Variants in FBXO16 observed in about 807,000 individuals in gnomAD.
The protein encoded by FBXO16 is F-box only protein 16.
In FBXO16, 31 loss-of-function variants were observed where a neutral mutation model predicts 41.0. The ratio of observed to expected loss-of-function variants is 0.76; its 90% CI spans 0.57 to 1.02. The LOEUF (loss-of-function observed/expected upper bound fraction) is 1.02. FBXO16 is among the 50% of genes least tolerant of loss of function. The pLI is 0.00. For synonymous variants in FBXO16, 133 were observed against 117.8 expected, an observed-to-expected ratio of 1.13 and a Z score of -0.84; for missense variants, 361 against 346.2, an observed-to-expected ratio of 1.04 and a Z score of -0.34.
rs905458070 is a variant in FBXO16, at chr8:28,428,517, G to A, written c.*210C>T. The A allele has an allele frequency of 7.9e-6, 12 of 1,521,566 alleles. No individual in the cohort carries two copies. In the Admixed American group the frequency reaches 2.3e-4, roughly 29 times the overall value. The allele number at this position is 1,521,566 out of a possible 1,614,324, so 94.3% of individuals were successfully genotyped here. On this transcript the variant is annotated 3_prime_UTR_variant, in exon 9 of 9. Coordinates refer to ENST00000380254, the MANE Select transcript of FBXO16 (RefSeq NM_172366.4). ...AGCCAAGTAAATTCAGCTCTCCACT[G>A]TGCAAAGCATCTTGTCATTTCTATA...
At chr8:28,481,405 G>C (rs996647544) in intron 2 of FBXO16, among the ~76,000 whole-genome samples, 2 of 152,058 alleles carry the variant, frequency 1.3e-5, no homozygotes, top group South Asian at 4.1e-4. Context: ...ATTGGGAGGA[G>C]GACTCAGAGT....
At chr8:28,432,319 C>T (rs764255081) in intron 7 of FBXO16, among the ~76,000 whole-genome samples, 2 of 151,780 alleles carry the variant, frequency 1.3e-5, no homozygotes, top group Non-Finnish European at 2.9e-5. Flanking sequence ...ACTAAAAATA[C>T]AAAAATTAGC....
chr8:28,443,930 C>T (rs191296251), intron 7 of FBXO16, among the ~76,000 whole-genome samples: 1 of 152,176 alleles, frequency 6.6e-6, no homozygotes, highest in Non-Finnish European at 1.5e-5. Flanking sequence ...AATAATCCAC[C>T]CCTTGTTTAG....
At chr8:28,451,255 A>G (rs1236112452) in intron 6 of FBXO16, among the ~76,000 whole-genome samples, 4 of 152,278 alleles carry the variant, frequency 2.6e-5, no homozygotes, top group Non-Finnish European at 4.4e-5. Context: ...CTAGAGCCCT[A>G]TTGGCTCCTG....
At position 28,456,806 on chromosome 8, in the gene FBXO16, T is replaced by C. The variant is rs1585904832; in HGVS notation, c.467A>G (p.Tyr156Cys). 2 of 1,614,146 alleles carry C rather than the reference T, an allele frequency of 1.2e-6. No individual in the cohort carries two copies. Among genetic ancestry groups the C allele is most frequent in the Non-Finnish European group, 1.7e-6 (2 of 1,180,006 alleles). ...ATGAAGTTCTTTCACCATTTGAATATAGTGCTTCTTCCAGATCCCCTGCTC... is the reference window on the plus strand; with the variant it reads ...ATGAAGTTCTTTCACCATTTGAATACAGTGCTTCTTCCAGATCCCCTGCTC... ...PFEQGIWKKHYIQMVKELHIT... is the reference protein window; with the variant it reads ...PFEQGIWKKHCIQMVKELHIT... The change falls in exon 5 of 9, where the codon TAT becomes TGT. Residue 156 changes from tyrosine (Y) to cysteine (C), a missense_variant. Physicochemically the swap from Tyr to Cys is radical, Grantham distance 194. Coordinates refer to ENST00000380254, the MANE Select transcript of FBXO16 (RefSeq NM_172366.4).
chr8:28,460,423 A>ATTTTT (rs1174276709), intron 4 of FBXO16, among the ~76,000 whole-genome samples: 4 of 82,514 alleles, frequency 4.8e-5, no homozygotes, highest in African/African-American at 1.3e-4. Context: ...TACCTGGCTA[A>ATTTTT]TTTTTTTTTT....
intron 7 of FBXO16, among the ~76,000 whole-genome samples, chr8:28,433,281 G>T (rs1426671332): frequency 1.3e-5 from 2 of 152,164 alleles, no homozygotes; most frequent in Admixed American, 6.5e-5. Flanking sequence ...AAATAGAAGA[G>T]AAATGCAATG....
At chr8:28,431,130 C>T (rs539416879) in intron 7 of FBXO16, among the ~76,000 whole-genome samples, 37 of 152,258 alleles carry the variant, frequency 2.4e-4, no homozygotes, top group Admixed American at 5.9e-4. Flanking sequence ...TTTGCAAAAC[C>T]CCTTTCTCCT....
chr8:28,458,310 T>C (rs757688247), intron 4 of FBXO16, among the ~76,000 whole-genome samples: 3 of 152,102 alleles, frequency 2.0e-5, no homozygotes, highest in Non-Finnish European at 4.4e-5. Flanking sequence ...TTAGAAGAAA[T>C]AATAGATTCA....
At chr8:28,437,570 T>G (rs1024600628) in intron 7 of FBXO16, among the ~76,000 whole-genome samples, 2 of 152,164 alleles carry the variant, frequency 1.3e-5, no homozygotes, top group Non-Finnish European at 2.9e-5. Context: ...TCTAGGAGCA[T>G]GGAGTAAGAA....
At chr8:28,467,291 TA>T (rs1278710413) in intron 3 of FBXO16, among the ~76,000 whole-genome samples, 24 of 152,052 alleles carry the variant, frequency 1.6e-4, no homozygotes, top group African/African-American at 5.6e-4. Flanking sequence ...ATCAACATGA[TA>T]GGGGAAAGCA....
intron 3 of FBXO16, among the ~76,000 whole-genome samples, chr8:28,469,052 TA>T (rs1803289208): frequency 6.6e-6 from 1 of 152,138 alleles, no homozygotes; most frequent in Non-Finnish European, 1.5e-5. Flanking sequence ...CTTATGCCTG[TA>T]ATCCCAGCAC....
At chr8:28,486,117 A>C (rs1803597717) in intron 1 of FBXO16, among the ~76,000 whole-genome samples, 1 of 152,106 alleles carries the variant, frequency 6.6e-6, no homozygotes, top group Non-Finnish European at 1.5e-5. Flanking sequence ...AAAAAAAAAA[A>C]AAAAGTTACA....
In FBXO16 at chr8:28,483,461, T is replaced by A. The variant is rs1456163736; in HGVS notation, c.-15A>T. The A allele has an allele frequency of 1.2e-6, 2 of 1,604,246 alleles. No individual in the cohort carries two copies. The highest frequency in any genetic ancestry group is 1.7e-6 in the Non-Finnish European group (2 of 1,172,938). ...AATGCCATCATGAAACAACTGGATA[T>A]CCTTCCATAAGAAAAACAACACCTA... On this transcript the variant is annotated splice_region_variant and 5_prime_UTR_variant, in exon 2 of 9. Coordinates refer to ENST00000380254, the MANE Select transcript of FBXO16 (RefSeq NM_172366.4).
intron 2 of FBXO16, among the ~76,000 whole-genome samples, chr8:28,479,579 T>C (rs993537989): frequency 7.9e-5 from 12 of 152,202 alleles, no homozygotes; most frequent in African/African-American, 2.9e-4. Context: ...CACAATTCTA[T>C]GGGAAGACAG....
At chr8:28,444,917 C>T (rs552247370) in intron 7 of FBXO16, among the ~76,000 whole-genome samples, 1 of 151,346 alleles carries the variant, frequency 6.6e-6, no homozygotes, top group East Asian at 1.9e-4. Context: ...AGGCGTGAGC[C>T]ACCGTGCCCG....
intron 5 of FBXO16, among the ~76,000 whole-genome samples, chr8:28,452,937 T>A (rs79159856): frequency 4.3e-3 from 495 of 114,626 alleles, no homozygotes; most frequent in Non-Finnish European, 6.9e-3. Context: ...AAAAGGAATA[T>A]CATCATCATC....
chr8:28,470,722 C>T (rs908776508), intron 3 of FBXO16, among the ~76,000 whole-genome samples: 7 of 152,110 alleles, frequency 4.6e-5, no homozygotes, highest in African/African-American at 1.4e-4. Flanking sequence ...ATTTTATATG[C>T]TTGTTGTTCA....
intron 5 of FBXO16, chr8:28,456,562 G>T: frequency 5.5e-6 from 3 of 548,954 alleles, no homozygotes; most frequent in South Asian, 2.6e-5. Flanking sequence ...ACTGTGGTTT[G>T]GGAGTGGCAA....
Sources: allele counts gnomAD v4.1 joint callset (sites outside exome capture counted in the v4.1 genomes callset), GRCh38; gene constraint gnomAD v4.1.1; transcripts MANE v1.5; gene names NCBI Gene and HGNC (gene_info 2026-07-23, HGNC 2026-07-21).